TENM2: variants seen among roughly 807,000 people sequenced by gnomAD.
TENM2 encodes the protein teneurin-2.
TENM2 carries 52 observed loss-of-function variants against 245.2 expected under a neutral mutation model. The observed-to-expected ratio is 0.21, with a 90% confidence interval of 0.17 to 0.27. The LOEUF is 0.27. Among genes scored for constraint, TENM2 ranks in the 10% least tolerant of loss-of-function variants. TENM2 has a pLI of 1.00. For missense variants in TENM2, 3,046 were observed against 3,666.8 expected, an observed-to-expected ratio of 0.83 and a Z score of 4.37; for synonymous variants, 1,363 against 1,438.9, an observed-to-expected ratio of 0.95 and a Z score of 1.19.
chr5:167,405,838 C>G (rs1279437900), intron 2 of TENM2, among the ~76,000 whole-genome samples: 1 of 151,374 alleles, frequency 6.6e-6, no homozygotes, highest in Non-Finnish European at 1.5e-5. Context: ...AAGGAACTTG[C>G]AGAATCTTCC....
intron 2 of TENM2, among the ~76,000 whole-genome samples, chr5:167,544,950 T>C (rs1418828938): frequency 6.6e-6 from 1 of 152,234 alleles, no homozygotes; most frequent in East Asian, 1.9e-4. Flanking sequence ...TTTTTTAATA[T>C]AGCAGCGTCC....
chr5:167,703,548 G>A (rs1318582350), intron 2 of TENM2, among the ~76,000 whole-genome samples: 21 of 112,218 alleles, frequency 1.9e-4, no homozygotes, highest in South Asian at 5.4e-4. Flanking sequence ...AAAAAAAAAA[G>A]GCTACATTAA....
chr5:167,582,496 A>T (rs1005135883), intron 2 of TENM2, among the ~76,000 whole-genome samples: 3 of 152,168 alleles, frequency 2.0e-5, no homozygotes, highest in Admixed American at 1.3e-4. Flanking sequence ...TCATGTCTAG[A>T]TGAGACCCAG....
At chr5:167,620,549 CTTTTT>C (rs11455974) in intron 2 of TENM2, among the ~76,000 whole-genome samples, 11 of 73,332 alleles carry the variant, frequency 1.5e-4, no homozygotes, top group East Asian at 9.6e-4. Context: ...TGCTTTTTGG[CTTTTT>C]TTTTTTTTTT....
chr5:167,450,439 A>G (rs1051591223), intron 2 of TENM2, among the ~76,000 whole-genome samples: 3 of 152,192 alleles, frequency 2.0e-5, no homozygotes, highest in African/African-American at 7.2e-5. Flanking sequence ...CCATAAGAAC[A>G]ACGACTTTGT....
At chr5:167,908,171 T>A (rs1776251451) in intron 3 of TENM2, among the ~76,000 whole-genome samples, 1 of 152,182 alleles carries the variant, frequency 6.6e-6, no homozygotes, top group African/African-American at 2.4e-5. Flanking sequence ...AGACTTTCTC[T>A]TGTTAGAACC....
At chr5:167,156,662 T>A in the TENM2 span, among the ~76,000 whole-genome samples, 1 of 152,180 alleles carries the variant, frequency 6.6e-6, no homozygotes, top group African/African-American at 2.4e-5. Flanking sequence ...TAGTAGGTAC[T>A]GGCATGTGAA....
intron 2 of TENM2, among the ~76,000 whole-genome samples, chr5:167,453,659 G>A (rs1285444037): frequency 6.6e-6 from 1 of 152,134 alleles, no homozygotes; most frequent in Non-Finnish European, 1.5e-5. Flanking sequence ...AGTCCAGGGA[G>A]AGAACAGGCT....
intron 2 of TENM2, among the ~76,000 whole-genome samples, chr5:167,760,622 G>C (rs1291276307): frequency 6.6e-6 from 1 of 152,178 alleles, no homozygotes; most frequent in Non-Finnish European, 1.5e-5. Flanking sequence ...GTCAACAACA[G>C]GTTCCACAAG....
chr5:168,120,633 C>T (rs546670507), intron 10 of TENM2, among the ~76,000 whole-genome samples: 2 of 152,112 alleles, frequency 1.3e-5, no homozygotes, highest in South Asian at 2.1e-4. Flanking sequence ...AAACAAGCCA[C>T]GTGAATCATT....
At chr5:167,077,872 T>TA in the TENM2 span, among the ~76,000 whole-genome samples, 3 of 152,040 alleles carry the variant, frequency 2.0e-5, no homozygotes, top group Non-Finnish European at 2.9e-5. Context: ...AAAACAGTTA[T>TA]AAAAAAGGCA....
At chr5:167,196,413 AT>A in the TENM2 span, among the ~76,000 whole-genome samples, 2 of 151,394 alleles carry the variant, frequency 1.3e-5, no homozygotes, top group African/African-American at 4.9e-5. Flanking sequence ...CATAAGTGTT[AT>A]TATTCATTAA....
intron 2 of TENM2, among the ~76,000 whole-genome samples, chr5:167,605,607 A>G (rs999914474): frequency 3.9e-5 from 6 of 152,238 alleles, no homozygotes; most frequent in Admixed American, 3.9e-4. Flanking sequence ...TTCATCAGGT[A>G]GAGTAGATAT....
At chr5:167,002,743 A>T in the TENM2 span, among the ~76,000 whole-genome samples, 1 of 152,060 alleles carries the variant, frequency 6.6e-6, no homozygotes, top group African/African-American at 2.4e-5. Flanking sequence ...CCTCTACTCC[A>T]TCCTAGGTGA....
At chr5:167,340,368 G>A (rs1054836643) in intron 1 of TENM2, among the ~76,000 whole-genome samples, 16 of 152,254 alleles carry the variant, frequency 1.1e-4, no homozygotes, top group Admixed American at 3.3e-4. Context: ...TCACAGATTC[G>A]ATGGCTTAAA....
chr5:167,513,712 AT>A (rs1273647362), intron 2 of TENM2, among the ~76,000 whole-genome samples: 1 of 152,136 alleles, frequency 6.6e-6, no homozygotes, highest in Non-Finnish European at 1.5e-5. Context: ...ATGTTCTGTG[AT>A]TTCTCTATAT....
chr5:167,909,417 CT>C (rs1468974122), intron 3 of TENM2, among the ~76,000 whole-genome samples: 1 of 152,168 alleles, frequency 6.6e-6, no homozygotes, highest in African/African-American at 2.4e-5. Flanking sequence ...CATGTACCCC[CT>C]AAATCTAAAA....
intron 2 of TENM2, among the ~76,000 whole-genome samples, chr5:167,665,998 T>A (rs1755550431): frequency 6.6e-6 from 1 of 152,180 alleles, no homozygotes; most frequent in East Asian, 1.9e-4. Flanking sequence ...CTACTTGAAA[T>A]GCTTTGTGTG....
At chr5:167,669,111 G>A (rs560381158) in intron 2 of TENM2, among the ~76,000 whole-genome samples, 19 of 152,222 alleles carry the variant, frequency 1.2e-4, no homozygotes, top group Non-Finnish European at 2.5e-4. Flanking sequence ...AAGAGGAGGA[G>A]CATTTCTAAG....
Sources: allele counts gnomAD v4.1 joint callset (sites outside exome capture counted in the v4.1 genomes callset), GRCh38; gene constraint gnomAD v4.1.1; transcripts MANE v1.5; gene names NCBI Gene and HGNC (gene_info 2026-07-23, HGNC 2026-07-21).